Variants in CUBN observed in about 807,000 individuals in gnomAD.
CUBN encodes the protein 460 kDa receptor.
Under a neutral mutation model 405.3 loss-of-function variants are expected in CUBN, and 282 were observed. The ratio of observed to expected loss-of-function variants is 0.70; its 90% CI spans 0.63 to 0.77. The LOEUF (loss-of-function observed/expected upper bound fraction) is 0.77. CUBN is among the 30% of genes least tolerant of loss of function. CUBN has a pLI of 0.00. For missense variants in CUBN, 4,514 were observed against 4,475.2 expected (o/e 1.01, Z -0.25); for synonymous variants, 1,684 against 1,617.0 (o/e 1.04, Z -0.99).
At chr10:17,087,867 T>C (rs1836158609) in intron 15 of CUBN, among the ~76,000 whole-genome samples, 1 of 152,162 alleles carries the variant, frequency 6.6e-6, no homozygotes, top group South Asian at 2.1e-4. Flanking sequence ...GAGATGGCTA[T>C]TACTGAGTGT....
Position 17,109,730 on chromosome 10 carries a change from G to C in CUBN, c.1021C>G (p.Gln341Glu), listed in dbSNP as rs1836725422. The change falls in exon 10 of 67, where the codon CAG (glutamine) becomes GAG (glutamate). Residue 341 changes from glutamine to glutamate, a missense_variant. Around this residue, in one of 5 missense-constraint regions of CUBN, gnomAD observed 1,448 missense variants for 1,388.0 expected, o/e 1.04. Transcript: ENST00000377833. ...AGTGTGCACACTCTTCCGTCACCCT[G>C]GTACCCTGATGAGAACAAGAGCCAG... ...SHCQACPPGYQGDGRVCTLTD... is the reference protein window; with the variant it reads ...SHCQACPPGYEGDGRVCTLTD... 1.2e-6 allele frequency: 2 copies of C among 1,613,060 alleles called. No homozygotes were observed. The highest frequency in any genetic ancestry group is 2.2e-5 in the East Asian group (1 of 44,868).
intron 40 of CUBN, among the ~76,000 whole-genome samples, chr10:16,929,319 C>T (rs186697595): frequency 3.3e-5 from 5 of 152,138 alleles, no homozygotes; most frequent in Admixed American, 1.3e-4. Flanking sequence ...GCCCCTGTGC[C>T]GGCTGAAACC....
chr10:16,851,426 C>T lies in CUBN; in HGVS notation c.9472G>A (p.Gly3158Ser). 1.2e-6 allele frequency: 2 copies of T among 1,614,124 alleles called. No homozygotes were observed. The highest frequency in any genetic ancestry group is 1.7e-6 in the Non-Finnish European group (2 of 1,180,004). The change falls in exon 60 of 67, where the codon GGT (glycine) becomes AGT (serine). Residue 3158 changes from glycine (G) to serine (S), a missense_variant. Physicochemically the swap from Gly to Ser is moderately conservative, Grantham distance 56 (BLOSUM62 0). This residue lies in a region of CUBN where 1,186 missense variants were observed against 1,186.9 expected (regional missense o/e 1.00). Coordinates refer to ENST00000377833, the MANE Select transcript of CUBN (RefSeq NM_001081.4). ...TTATTCGAGCCTGTCAGATAACCACCACATCCTTGCTGAGGCCCTGCATTA... is the reference window on the plus strand; with the variant it reads ...TTATTCGAGCCTGTCAGATAACCACTACATCCTTGCTGAGGCCCTGCATTA... The part of the protein sequence containing the change: ...RQTLGPQQGC[G>S]GYLTGSNNTF...
rs572603492 is a variant in CUBN at position 16,869,787 on chromosome 10, A to T, written c.9303T>A (p.Gly3101=). The change falls in exon 59 of 67, where the codon GGT becomes GGA. Residue 3101 remains glycine, a synonymous_variant. Coordinates refer to ENST00000377833, the MANE Select transcript of CUBN (RefSeq NM_001081.4). ...CAAGAAGGGGATCGCTGGTATTGGC[A>T]CCATCGTAAATTGCCAGGTAGTCAT... The part of the protein sequence containing the change: ...CSHDYLAIYD[G]ANTSDPLLGK... 6.2e-7 allele frequency: 1 copy of T among 1,614,170 alleles called. No individual in the cohort carries two copies. The highest frequency in any genetic ancestry group is 1.1e-5 in the South Asian group (1 of 91,090).
At chr10:16,854,552 T>C (rs981685313) in intron 59 of CUBN, among the ~76,000 whole-genome samples, 1 of 152,160 alleles carries the variant, frequency 6.6e-6, no homozygotes, top group Non-Finnish European at 1.5e-5. Context: ...ATTGCTGTGG[T>C]GAGGGCTGCA....
chr10:17,126,873 T>C, intron 3 of CUBN, 74 bp from the exon 4 acceptor site: 1 of 1,492,040 alleles, frequency 6.7e-7, no homozygotes, highest in East Asian at 2.3e-5. Flanking sequence ...ATCCTTGACA[T>C]ATTGTCCTAA....
intron 33 of CUBN, 126 bp downstream of exon 33, chr10:16,952,150 C>G: frequency 1.4e-6 from 1 of 720,254 alleles, no homozygotes; most frequent in Non-Finnish European, 2.5e-6. Flanking sequence ...GGAATTGGGA[C>G]TTGCAAAAGA....
chr10:17,104,461 T>A lies in CUBN; in HGVS notation c.1375A>T (p.Thr459Ser). The change falls in exon 12 of 67, where the codon ACA becomes TCA. Residue 459 changes from threonine to serine, a missense_variant. This residue lies in a region of CUBN where 1,448 missense variants were observed against 1,388.0 expected (regional missense o/e 1.04). Coordinates refer to ENST00000377833, the MANE Select transcript of CUBN (RefSeq NM_001081.4). ...DGVDSFSCEC[T>S]RLWTGALCQV... ...CAGAGAGCTCCAGTCCAGAGACGTG[T>A]GCATTCACAACTGAAAGAATCAACG... 1.2e-6 allele frequency: 2 copies of A among 1,614,050 alleles called. No homozygotes were observed. The highest frequency in any genetic ancestry group is 1.7e-6 in the Non-Finnish European group (2 of 1,180,002).
chr10:17,010,218 T>C (rs990772840), intron 28 of CUBN, among the ~76,000 whole-genome samples: 4 of 152,234 alleles, frequency 2.6e-5, no homozygotes, highest in East Asian at 1.9e-4. Context: ...CCTTTCTGTC[T>C]CTTTTCACAC....
intron 15 of CUBN, among the ~76,000 whole-genome samples, chr10:17,086,898 G>A (rs1489830921): frequency 6.6e-6 from 1 of 152,108 alleles, no homozygotes; most frequent in Non-Finnish European, 1.5e-5. Flanking sequence ...GAATGTGTAG[G>A]AATTTTTTAA....
At chr10:17,123,368 A>G (rs1837090954) in intron 5 of CUBN, 1 of 600,580 alleles carries the variant, frequency 1.7e-6, no homozygotes, top group Non-Finnish European at 3.0e-6. Flanking sequence ...CAGTTATCCA[A>G]TCAAGTGAAC....
At chr10:16,993,096 T>C (rs1265449274) in intron 28 of CUBN, among the ~76,000 whole-genome samples, 1 of 152,188 alleles carries the variant, frequency 6.6e-6, no homozygotes, top group Non-Finnish European at 1.5e-5. Flanking sequence ...TTTACTAAAA[T>C]ACATTACAGG....
chr10:16,920,260 A>T (rs1253633154), intron 43 of CUBN, 123 bp from the exon 44 acceptor site: 6 of 1,018,098 alleles, frequency 5.9e-6, no homozygotes, highest in Non-Finnish European at 9.0e-6. Context: ...ATCTGTTATG[A>T]TCCTCATTTT....
intron 34 of CUBN, among the ~76,000 whole-genome samples, chr10:16,948,854 A>G (rs1356948180): frequency 6.6e-6 from 1 of 152,168 alleles, no homozygotes; most frequent in Non-Finnish European, 1.5e-5. Flanking sequence ...GACCAGAGGA[A>G]AAACTTAGAT....
intron 25 of CUBN, among the ~76,000 whole-genome samples, chr10:17,044,516 C>G (rs184744377): frequency 6.6e-6 from 1 of 152,140 alleles, no homozygotes. Flanking sequence ...TGTAATGCCA[C>G]AGCTGATGTC....
intron 17 of CUBN, 23 bp downstream of exon 17, chr10:17,084,248 G>A (rs769255247): frequency 1.9e-6 from 3 of 1,610,772 alleles, no homozygotes; most frequent in East Asian, 4.5e-5. Context: ...GTCATCTAAG[G>A]GCGATTGAGT....
intron 53 of CUBN, 105 bp from the exon 54 acceptor site, chr10:16,899,288 T>C (rs1841287803): frequency 2.3e-6 from 2 of 881,876 alleles, no homozygotes; most frequent in Non-Finnish European, 3.8e-6. Flanking sequence ...TTTCAATTCA[T>C]CATTTTTTAC....
At chr10:16,933,470 C>T (rs1258578079) in intron 39 of CUBN, among the ~76,000 whole-genome samples, 186 bp from the exon 40 acceptor site, 1 of 152,132 alleles carries the variant, frequency 6.6e-6, no homozygotes, top group Admixed American at 6.5e-5. Context: ...CGCAATTGAT[C>T]TTTGATGTAA....
intron 59 of CUBN, among the ~76,000 whole-genome samples, chr10:16,861,582 G>A (rs1379723303): frequency 6.6e-6 from 1 of 151,718 alleles, no homozygotes; most frequent in Admixed American, 6.6e-5. Context: ...ATTATTATTA[G>A]TGTACTGTTT....
Sources: allele counts gnomAD v4.1 joint callset (sites outside exome capture counted in the v4.1 genomes callset), GRCh38; gene constraint gnomAD v4.1.1; regional missense constraint gnomAD v4.1.1; transcripts MANE v1.5; gene names NCBI Gene and HGNC (gene_info 2026-07-23, HGNC 2026-07-21).